Variants in FCGR2A observed in about 807,000 individuals in gnomAD.
FCGR2A encodes Fc gamma receptor IIa.
A neutral mutation model predicts 29.3 loss-of-function variants in FCGR2A; 18 were observed. The ratio of observed to expected loss-of-function variants is 0.62; its 90% confidence interval spans 0.43 to 0.91. FCGR2A has a LOEUF of 0.91. Among genes scored for constraint, FCGR2A ranks in the 40% least tolerant of loss-of-function variants. The pLI is 0.00. For synonymous variants in FCGR2A, 126 were observed against 144.8 expected (o/e 0.87, Z 0.93); for missense variants, 287 against 393.0 (o/e 0.73, Z 2.28).
At chr1:161,506,138 C>T (rs1675374601) in intron 2 of FCGR2A, 131 bp downstream of exon 2, 3 of 1,276,908 alleles carry the variant, frequency 2.3e-6, no homozygotes, top group South Asian at 2.4e-5. Flanking sequence ...TGGGCAGTTC[C>T]CCCATTTTAG....
At chr1:161,507,792 A>T (rs1675506340) in intron 3 of FCGR2A, among the ~76,000 whole-genome samples, 1 of 152,142 alleles carries the variant, frequency 6.6e-6, no homozygotes, top group African/African-American at 2.4e-5. Flanking sequence ...AAATATAGAT[A>T]ATAAAAATTG....
At chr1:161,506,167 T>G (rs1675376648) in intron 2 of FCGR2A, 160 bp downstream of exon 2, 8 of 1,260,102 alleles carry the variant, frequency 6.3e-6, no homozygotes, top group Non-Finnish European at 8.0e-6. Flanking sequence ...GGGATTTGCT[T>G]CTTAGATCCA....
intron 3 of FCGR2A, among the ~76,000 whole-genome samples, chr1:161,508,048 T>G (rs1206062719): frequency 7.8e-6 from 1 of 128,528 alleles, no homozygotes; most frequent in Non-Finnish European, 1.5e-5. Context: ...ATCACACCAC[T>G]GCACTCCAGC....
At chr1:161,522,790 A>T (rs1426142612), downstream of FCGR2A, 2 of 152,022 alleles carry the variant, frequency 1.3e-5, no homozygotes, top group East Asian at 1.9e-4. Flanking sequence ...TGATCACCTT[A>T]CCAGTACGGC....
chr1:161,523,967 T>TGGCCATTCACTAA (rs932500894), downstream of FCGR2A: 9 of 154,392 alleles, frequency 5.8e-5, no homozygotes, highest in African/African-American at 2.2e-4. Context: ...TCACTATCTC[T>TGGCCATTCACTAA]GGCCATTCAC....
rs760407555 is a variant in FCGR2A, at chr1:161,506,553, C to T, written c.326C>T (p.Thr109Ile). Residue 109 changes from threonine to isoleucine, a missense_variant, in exon 3 of 7, where the codon ACC becomes ATC. By Grantham distance (89) the Thr-to-Ile change is moderately conservative (BLOSUM62 -1). Coordinates refer to ENST00000271450, the MANE Select transcript of FCGR2A (RefSeq NM_001136219.3). ...SGEYTCQTGQ[T>I]SLSDPVHLTV... is the part of the protein sequence containing the mutation. ...GAGTACACGTGCCAGACTGGCCAGA[C>T]CAGCCTCAGCGACCCTGTGCATCTG... 7.2e-5 allele frequency: 117 copies of T among 1,614,062 alleles called. No homozygotes were observed. Among genetic ancestry groups the T allele is most frequent in the Non-Finnish European group, 9.6e-5 (113 of 1,180,020 alleles).
chr1:161,509,341 AT>A (rs10712086), intron 3 of FCGR2A, among the ~76,000 whole-genome samples: 107,333 of 148,458 alleles, frequency 0.72, 39,622 homozygotes, highest in African/African-American at 0.9. Flanking sequence ...TTAAGGCTCT[AT>A]TTTTTTTTTT....
intron 5 of FCGR2A, among the ~76,000 whole-genome samples, chr1:161,512,839 T>C (rs1282795589): frequency 6.6e-6 from 1 of 152,202 alleles, no homozygotes; most frequent in African/African-American, 2.4e-5. Context: ...TAGGGGCCTG[T>C]GTTCACACCA....
chr1:161,521,501 T>TATA (rs1676447865), downstream of FCGR2A, among the ~76,000 whole-genome samples: 3 of 150,802 alleles, frequency 2.0e-5, no homozygotes, highest in South Asian at 2.1e-4. Flanking sequence ...TCACTGACTT[T>TATA]TATATATATA....
chr1:161,512,946 G>T (rs1367327435), intron 5 of FCGR2A, among the ~76,000 whole-genome samples: 5 of 152,198 alleles, frequency 3.3e-5, no homozygotes, highest in African/African-American at 4.8e-5. Flanking sequence ...CACTTCACGA[G>T]GCACTTTTGC....
downstream of FCGR2A, among the ~76,000 whole-genome samples, chr1:161,521,898 G>T (rs1299171678): frequency 1.3e-5 from 2 of 151,952 alleles, no homozygotes; most frequent in African/African-American, 4.8e-5. Flanking sequence ...CATACAACTT[G>T]CTTTTTTTTT....
In FCGR2A at chr1:161,506,744, C is replaced by T. The variant is rs12732941; in HGVS notation, c.364+153C>T. On this transcript the variant is annotated intron_variant, in intron 3 of 6. Coordinates refer to ENST00000271450, the MANE Select transcript of FCGR2A (RefSeq NM_001136219.3). Reference sequence around the variant, plus strand: ...ATTCATTCCCCATTTCACCCACCCTCTTTGCTTAGCATGCGTGGTGGGGGA... The same window carrying T: ...ATTCATTCCCCATTTCACCCACCCTTTTTGCTTAGCATGCGTGGTGGGGGA... 4 of 1,374,054 alleles carry T rather than the reference C, an allele frequency of 2.9e-6. No homozygotes were observed. In the East Asian group the frequency reaches 9.9e-5, roughly 34 times the overall value. 85.1% of individuals were successfully genotyped at this position (1,374,054 alleles called of 1,614,324 possible).
intron 5 of FCGR2A, 66 bp downstream of exon 5, chr1:161,511,022 A>G: frequency 6.2e-7 from 1 of 1,611,268 alleles, no homozygotes; most frequent in East Asian, 2.2e-5. Flanking sequence ...AACCCCAGAC[A>G]TTGCCAGAAT....
chr1:161,523,902 A>T (rs953700217), downstream of FCGR2A: 1 of 152,036 alleles, frequency 6.6e-6, no homozygotes, highest in Admixed American at 6.5e-5. Flanking sequence ...GAATTCTACC[A>T]CTGAACCACC....
intron 4 of FCGR2A, chr1:161,510,380 A>T: frequency 3.3e-6 from 2 of 610,832 alleles, no homozygotes; most frequent in South Asian, 3.5e-5. Flanking sequence ...GCTCCTGGGC[A>T]TTCCTAAGAG....
intron 1 of FCGR2A, 123 bp downstream of exon 1, chr1:161,505,675 G>T: frequency 1.2e-6 from 1 of 834,628 alleles, no homozygotes; most frequent in Non-Finnish European, 2.1e-6. Flanking sequence ...AAAGAGGAGA[G>T]AGGACCCTGA....
intron 5 of FCGR2A, 90 bp from the exon 6 acceptor site, chr1:161,513,805 T>A (rs1378945932): frequency 1.9e-6 from 3 of 1,588,524 alleles, no homozygotes; most frequent in Admixed American, 3.3e-5. Context: ...TTGCTTTGAG[T>A]CTGGTTATGG....
In FCGR2A at chr1:161,506,440, C is replaced by A. The variant is rs1557828187; in HGVS notation, c.213C>A (p.Asp71Glu). 1 of 1,614,140 alleles carries A rather than the reference C, an allele frequency of 6.2e-7. No homozygotes were observed. Among genetic ancestry groups the A allele is most frequent in the South Asian group, 1.1e-5 (1 of 91,096 alleles). ...TCQGARSPES[D>E]SIQWFHNGNL... Reference sequence around the variant, plus strand: ...AGGGGGCTCGCAGCCCTGAGAGCGACTCCATTCAGTGGTTCCACAATGGGA... The same window carrying A: ...AGGGGGCTCGCAGCCCTGAGAGCGAATCCATTCAGTGGTTCCACAATGGGA... The change falls in exon 3 of 7, where the codon GAC (aspartate) becomes GAA (glutamate). Residue 71 changes from aspartate to glutamate, a missense_variant. Asp to Glu is a conservative substitution (Grantham distance 45). This residue lies in a region of FCGR2A where 181 missense variants were observed against 250.9 expected (regional missense o/e 0.72). Coordinates refer to ENST00000271450, the MANE Select transcript of FCGR2A (RefSeq NM_001136219.3).
intron 5 of FCGR2A, among the ~76,000 whole-genome samples, chr1:161,511,529 G>T (rs1436473984): frequency 6.6e-6 from 1 of 152,218 alleles, no homozygotes; most frequent in African/African-American, 2.4e-5. Flanking sequence ...AGATGCCATG[G>T]CGTGGCCTTT....
Sources: gnomAD v4.1 joint callset for allele counts (sites outside exome capture counted in the v4.1 genomes callset) on GRCh38, gnomAD v4.1.1 for gene constraint, gnomAD v4.1.1 regional missense constraint, MANE v1.5 for transcripts, NCBI Gene and HGNC (gene_info 2026-07-23, HGNC 2026-07-21) for gene names.